The following UNC79 variants were observed in gnomAD, a reference collection of about 807,000 sequenced individuals.
The protein encoded by UNC79 is unc-79 subunit of NALCN channel complex.
In UNC79, 37 loss-of-function variants were observed where a neutral mutation model predicts 283.1. The ratio of observed to expected loss-of-function variants is 0.13; its 90% confidence interval spans 0.10 to 0.17. The LOEUF is 0.17. UNC79 is among the 10% of genes least tolerant of loss of function. The probability of loss-of-function intolerance (pLI) is 1.00; values close to 1 mark genes in which losing one functional copy is unlikely to be tolerated. For missense variants in UNC79, 2,272 were observed against 3,211.1 expected, an observed-to-expected ratio of 0.71 and a Z score of 7.07; for synonymous variants, 1,107 against 1,200.2, an observed-to-expected ratio of 0.92 and a Z score of 1.61.
At chr14:93,677,015 T>C (rs1169750925) in intron 41 of UNC79, among the ~76,000 whole-genome samples, 1 of 152,194 alleles carries the variant, frequency 6.6e-6, no homozygotes, top group Non-Finnish European at 1.5e-5. Context: ...AAAACAACTT[T>C]ATGGAAATGT....
intron 8 of UNC79, 132 bp from the exon 9 acceptor site, chr14:93,528,426 G>A: frequency 1.4e-6 from 1 of 734,332 alleles, no homozygotes; most frequent in Non-Finnish European, 2.2e-6. Context: ...TCGGTAAAAA[G>A]GGTTTTACTA....
At chr14:93,656,270 G>A (rs889321150) in intron 38 of UNC79, among the ~76,000 whole-genome samples, 6 of 152,054 alleles carry the variant, frequency 3.9e-5, no homozygotes, top group Non-Finnish European at 8.8e-5. Flanking sequence ...GAGGTTTTTT[G>A]TGCTTTCTCT....
At chr14:93,587,853 G>T (rs2064331301) in intron 22 of UNC79, among the ~76,000 whole-genome samples, 1 of 152,180 alleles carries the variant, frequency 6.6e-6, no homozygotes, top group Non-Finnish European at 1.5e-5. Context: ...ACAGCTCAGA[G>T]GTGGGAGAGA....
rs1157979989 is a variant in UNC79, at chr14:93,477,544, A to C, written c.449-14A>C. 2 of 1,564,880 alleles carry C rather than the reference A, an allele frequency of 1.3e-6. No homozygotes were observed. The highest frequency in any genetic ancestry group is 1.7e-6 in the Non-Finnish European group (2 of 1,159,168). Reference sequence around the variant, plus strand: ...AAAATATTCAGTGACTGATTACTCAATTTTGTTTTGTAGATCTTGGACAGT... The same window carrying C: ...AAAATATTCAGTGACTGATTACTCACTTTTGTTTTGTAGATCTTGGACAGT... On this transcript the variant is annotated splice_polypyrimidine_tract_variant and intron_variant, in intron 3 of 48. Coordinates refer to ENST00000555664, the Ensembl canonical transcript of UNC79.
intron 32 of UNC79, among the ~76,000 whole-genome samples, chr14:93,640,455 C>A (rs2068919034): frequency 6.6e-6 from 1 of 152,116 alleles, no homozygotes; most frequent in African/African-American, 2.4e-5. Context: ...AAGGTGAGAC[C>A]TTGTCTTTAC....
At chr14:93,571,946 G>A in exon 15 of UNC79, 1 of 1,614,146 alleles carries the variant, frequency 6.2e-7, no homozygotes, top group East Asian at 2.2e-5. Context: ...CTGAAGGAAG[G>A]TCTCAACCGA....
chr14:93,651,912 A>ATT (rs71129653), intron 35 of UNC79, among the ~76,000 whole-genome samples: 6 of 46,600 alleles, frequency 1.3e-4, no homozygotes, highest in South Asian at 9.1e-4. Context: ...CTAATTTTGT[A>ATT]TTTTTTTTTT....
chr14:93,346,533 C>T lies in UNC79; in HGVS notation c.-351+13010C>T, dbSNP rs1014988909. ...GTGACAGATAATTACATCACTGTTT[C>T]TACTGGGTCCAAACACTCTATTTGA... On this transcript the variant is annotated intron_variant, in intron 1 of 49. Transcript: ENST00000256339. Among the ~76,000 whole-genome samples the T allele has an allele frequency of 2.0e-5, 3 of 152,200 alleles. 1 individual carries two copies. The highest frequency in any genetic ancestry group is 4.1e-4 in the South Asian group (2 of 4,830).
chr14:93,438,332 G>A (rs1014108751), intron 1 of UNC79, among the ~76,000 whole-genome samples: 4 of 151,812 alleles, frequency 2.6e-5, no homozygotes, highest in African/African-American at 9.7e-5. Context: ...ATATTTATTG[G>A]GTGTCTACTA....
chr14:93,440,182 A>C (rs990518827), intron 1 of UNC79, among the ~76,000 whole-genome samples: 2 of 150,944 alleles, frequency 1.3e-5, no homozygotes, highest in African/African-American at 4.9e-5. Flanking sequence ...TGCAAATACT[A>C]TATAATTTTA....
intron 4 of UNC79, among the ~76,000 whole-genome samples, chr14:93,478,598 A>AAAT (rs1180858093): frequency 7.9e-5 from 12 of 151,986 alleles, no homozygotes; most frequent in South Asian, 2.1e-4. Flanking sequence ...CTTTCTTATA[A>AAAT]AATAATAATA....
exon 27 of UNC79, chr14:93,612,833 A>G: frequency 1.2e-6 from 2 of 1,614,104 alleles, no homozygotes; most frequent in South Asian, 1.1e-5. Flanking sequence ...ACCATCAAGG[A>G]CCTGCTCCCA....
intron 2 of UNC79, among the ~76,000 whole-genome samples, chr14:93,472,404 T>C (rs2057557368): frequency 6.6e-6 from 1 of 152,086 alleles, no homozygotes. Flanking sequence ...TATTATCCCA[T>C]TGTAAAGTAT....
chr14:93,394,223 T>G (rs1396680097), intron 1 of UNC79, among the ~76,000 whole-genome samples: 1 of 152,116 alleles, frequency 6.6e-6, no homozygotes, highest in African/African-American at 2.4e-5. Context: ...ACACACATTG[T>G]AATAAAAAAT....
chr14:93,372,222 ATTATATATGC>A (rs1434255768), intron 1 of UNC79, among the ~76,000 whole-genome samples: 1 of 152,254 alleles, frequency 6.6e-6, no homozygotes, highest in Admixed American at 6.5e-5. Flanking sequence ...AATGTATTCA[ATTATATATGC>A]TTATGTTCAT....
intron 7 of UNC79, among the ~76,000 whole-genome samples, chr14:93,507,343 T>A (rs895742707): frequency 2.6e-5 from 4 of 152,244 alleles, no homozygotes; most frequent in Admixed American, 6.5e-5. Flanking sequence ...TTACATTTCA[T>A]CCAACAATTT....
Position 93,474,278 on chromosome 14 carries a change from C to G in UNC79, c.333C>G (p.Gly111=). The change falls in exon 3 of 49, where the codon GGC becomes GGG. Residue 111 remains glycine (G), a synonymous_variant. Transcript: ENST00000555664. This position sits in a 1 kb window ranked among gnomAD's most constrained non-coding sequence, Gnocchi z 4.1. ...TGCGAGATGCTCCCTCAGAACGCGG[C>G]CCGCAAAGTCGTGATGCTCAGTTGT... 1 of 1,536,076 alleles carries G rather than the reference C, an allele frequency of 6.5e-7. No homozygotes were observed. The highest frequency in any genetic ancestry group is 8.7e-7 in the Non-Finnish European group (1 of 1,146,872).
At chr14:93,472,317 T>G (rs940245750) in intron 2 of UNC79, among the ~76,000 whole-genome samples, 1 of 152,102 alleles carries the variant, frequency 6.6e-6, no homozygotes, top group Non-Finnish European at 1.5e-5. Flanking sequence ...TTGAGTCATG[T>G]GAGAAAAGTA....
Position 93,528,661 on chromosome 14 carries a change from T to C in UNC79, c.1052+15T>C. ...AGGATTGCAGGGTAGGTATAAGAGTTCTTAAAGAAAAGGAAATAGGACAAC... is the reference window on the plus strand; with the variant it reads ...AGGATTGCAGGGTAGGTATAAGAGTCCTTAAAGAAAAGGAAATAGGACAAC... On this transcript the variant is annotated intron_variant, in intron 9 of 48. Coordinates refer to ENST00000555664, the Ensembl canonical transcript of UNC79. The C allele has an allele frequency of 6.2e-7, 1 of 1,610,238 alleles. No individual in the cohort carries two copies.
Sources: allele counts gnomAD v4.1 joint callset (sites outside exome capture counted in the v4.1 genomes callset), GRCh38; gene constraint gnomAD v4.1.1; non-coding constraint Gnocchi (gnomAD v3.1); transcripts MANE v1.5; gene names NCBI Gene and HGNC (gene_info 2026-07-23, HGNC 2026-07-21).